SVIL: variants seen among roughly 807,000 people sequenced by gnomAD.
SVIL encodes the protein archvillin.
Under a neutral mutation model 240.4 loss-of-function variants are expected in SVIL, and 101 were observed. The ratio of observed to expected loss-of-function variants is 0.42; its 90% CI spans 0.36 to 0.50. The LOEUF is 0.50. SVIL is among the 20% of genes least tolerant of loss of function. SVIL has a pLI of 0.01. For synonymous variants in SVIL, 999 were observed against 1,100.0 expected (o/e 0.91, Z 1.82); for missense variants, 2,512 against 2,818.7 (o/e 0.89, Z 2.46).
Position 29,513,591 on chromosome 10 carries a change from A to G in SVIL, c.3390-730T>C, listed in dbSNP as rs535913030. Among the ~76,000 whole-genome samples the G allele has an allele frequency of 5.3e-5, 8 of 152,290 alleles. No homozygotes were observed. In the South Asian group the frequency reaches 1.4e-3, roughly 28 times the overall value. On this transcript the variant is annotated intron_variant, in intron 16 of 37. Transcript: ENST00000355867. Reference sequence around the variant, plus strand: ...GCCATGAAGCACTTACAGTCTCTTAATATCATCCCTTTCAATTAGAGGTAA... The same window carrying G: ...GCCATGAAGCACTTACAGTCTCTTAGTATCATCCCTTTCAATTAGAGGTAA...
chr10:29,628,647 A>G (rs1042811974), intron 1 of SVIL, among the ~76,000 whole-genome samples: 6 of 152,232 alleles, frequency 3.9e-5, no homozygotes, highest in Non-Finnish European at 7.3e-5. Flanking sequence ...TTCTATTGAT[A>G]GCAGATACAG....
chr10:29,526,527 T>A (rs1950931520), intron 13 of SVIL, among the ~76,000 whole-genome samples: 1 of 152,062 alleles, frequency 6.6e-6, no homozygotes, highest in Admixed American at 6.6e-5. Context: ...ACGGTCTCAA[T>A]CTCCTGACCT....
Position 29,463,601 on chromosome 10 carries a change from G to A in SVIL, c.6168C>T (p.Tyr2056=), listed in dbSNP as rs1944530177. 1.2e-6 allele frequency: 2 copies of A among 1,614,180 alleles called. No homozygotes were observed. Residue 2056 remains tyrosine, a synonymous_variant, in exon 35 of 38, where the codon TAC becomes TAT. Transcript: ENST00000355867. ...CGATGGGCCACCAGCCTTGCCAGAGGTACACCTCGTGGTGATTGTCAACAA... is the reference window on the plus strand; with the variant it reads ...CGATGGGCCACCAGCCTTGCCAGAGATACACCTCGTGGTGATTGTCAACAA... ...LFLVDNHHEV[Y]LWQGWWPIEN... is the part of the protein sequence containing the mutation.
chr10:29,703,439 T>C (rs112625245), intron 1 of SVIL, among the ~76,000 whole-genome samples: 2 of 152,144 alleles, frequency 1.3e-5, no homozygotes, highest in Admixed American at 6.5e-5. Context: ...CCCAAATGCA[T>C]CACTCTTTTC....
chr10:29,579,668 G>A (rs1220671588), intron 1 of SVIL, among the ~76,000 whole-genome samples: 1 of 152,152 alleles, frequency 6.6e-6, no homozygotes, highest in Non-Finnish European at 1.5e-5. Context: ...GAGGCTATTT[G>A]GGGAGTCAGA....
chr10:29,649,679 C>A (rs1183940091), intron 3 of SVIL, among the ~76,000 whole-genome samples: 1 of 152,144 alleles, frequency 6.6e-6, no homozygotes, highest in Admixed American at 6.6e-5. Flanking sequence ...TACACACACA[C>A]ACACACATCT....
intron 6 of SVIL, among the ~76,000 whole-genome samples, chr10:29,546,340 C>G (rs1195592040): frequency 1.3e-5 from 2 of 152,174 alleles, no homozygotes; most frequent in Admixed American, 1.3e-4. Flanking sequence ...TTGTTTTCTA[C>G]TTCACCTATT....
At chr10:29,551,312 T>A (rs576487954) in intron 5 of SVIL, 49 bp from the exon 6 acceptor site, 1 of 1,507,334 alleles carries the variant, frequency 6.6e-7, no homozygotes, top group South Asian at 1.3e-5. Flanking sequence ...AGTAAAGACA[T>A]GTATTTACAC....
At chr10:29,618,488 G>C (rs1283501081) in intron 1 of SVIL, among the ~76,000 whole-genome samples, 2 of 152,118 alleles carry the variant, frequency 1.3e-5, no homozygotes, top group Non-Finnish European at 2.9e-5. Context: ...TCAGACCCCA[G>C]CCTTCCTAAG....
In SVIL at chr10:29,492,527, G is replaced by A. The variant is rs571799342; in HGVS notation, c.4019+687C>T. Among the ~76,000 whole-genome samples, 485 of 152,048 alleles carry A rather than the reference G, an allele frequency of 3.2e-3. 1 individual carries two copies. The highest frequency in any genetic ancestry group is 0.011 in the African/African-American group (449 of 41,434). ...TCCGCACTGTTCAGTGGCTGAGCCG[G>A]CAAACCCCTCCGCACTGTTCAGCCA... On this transcript the variant is annotated intron_variant, in intron 21 of 37. Transcript: ENST00000355867.
chr10:29,635,978 C>A (rs141200180), upstream of SVIL, among the ~76,000 whole-genome samples: 5 of 152,298 alleles, frequency 3.3e-5, no homozygotes, highest in East Asian at 9.6e-4. Flanking sequence ...TACTAATTAA[C>A]CCTACAGAAC....
chr10:29,518,787 C>T (rs370959123), intron 16 of SVIL, among the ~76,000 whole-genome samples: 25 of 152,028 alleles, frequency 1.6e-4, no homozygotes, highest in East Asian at 1.2e-3. Flanking sequence ...ACCTGGGAGG[C>T]GGAGGTTGTA....
chr10:29,604,304 A>G (rs1306991792), intron 1 of SVIL, among the ~76,000 whole-genome samples: 2 of 142,346 alleles, frequency 1.4e-5, no homozygotes, highest in Non-Finnish European at 3.0e-5. Context: ...GGTTCAAGCA[A>G]TTCTCATGCC....
In SVIL at chr10:29,700,908, G is replaced by A. The variant is rs917111715; in HGVS notation, c.-399-14257C>T. On this transcript the variant is annotated intron_variant, in intron 1 of 35. Transcript: ENST00000375400. ...GAGAAGCACTGCACCTTAGCCCATC[G>A]CTTCAAGGCTCACCTGACTGTTCTC... 1.4e-4 allele frequency among the ~76,000 whole-genome samples: 21 copies of A among 152,114 alleles called. No individual in the cohort carries two copies. In the East Asian group the frequency reaches 1.5e-3, roughly 11 times the overall value.
At chr10:29,651,617 A>ATTCTCTCTCT (rs1554886926) in intron 3 of SVIL, among the ~76,000 whole-genome samples, 2 of 51,438 alleles carry the variant, frequency 3.9e-5, no homozygotes, top group African/African-American at 1.6e-4. Context: ...TGCCACATGC[A>ATTCTCTCTCT]TTCTCTCTCT....
chr10:29,702,010 C>T (rs1227690634), intron 1 of SVIL, among the ~76,000 whole-genome samples: 4 of 151,744 alleles, frequency 2.6e-5, no homozygotes, highest in Non-Finnish European at 5.9e-5. Flanking sequence ...CCCATTTCTA[C>T]TAAAATAAAC....
chr10:29,553,999 T>G (rs369567369), intron 5 of SVIL, among the ~76,000 whole-genome samples: 1 of 152,158 alleles, frequency 6.6e-6, no homozygotes. Flanking sequence ...AGACACAGCT[T>G]CTGCCTTTGA....
intron 18 of SVIL, among the ~76,000 whole-genome samples, chr10:29,497,762 A>G (rs1021233648): frequency 2.0e-5 from 3 of 152,216 alleles, no homozygotes; most frequent in African/African-American, 7.2e-5. Flanking sequence ...CATGGTTGCC[A>G]GGTCAGAAGG....
chr10:29,642,148 C>T (rs1958504799), intron 3 of SVIL, among the ~76,000 whole-genome samples: 1 of 152,110 alleles, frequency 6.6e-6, no homozygotes, highest in African/African-American at 2.4e-5. Context: ...CCTATAATCC[C>T]AGGACTTTGG....
Sources: allele counts gnomAD v4.1 joint callset (sites outside exome capture counted in the v4.1 genomes callset), GRCh38; gene constraint gnomAD v4.1.1; transcripts MANE v1.5; gene names NCBI Gene and HGNC (gene_info 2026-07-23, HGNC 2026-07-21).